The following CFAP47 variants were observed in gnomAD, a reference collection of about 807,000 sequenced individuals.
The protein encoded by CFAP47 is cilia and flagella associated protein 47.
Under a neutral mutation model 148.1 loss-of-function variants are expected in CFAP47, and 29 were observed. The ratio of observed to expected loss-of-function variants is 0.20; its 90% CI spans 0.15 to 0.27. The LOEUF is 0.27. Ranked by LOEUF, CFAP47 falls within the 10% of genes least tolerant of loss-of-function variation. The probability of loss-of-function intolerance (pLI) is 1.00; values close to 1 mark genes in which losing one functional copy is unlikely to be tolerated. For missense variants in CFAP47, 1,872 were observed against 1,697.5 expected, an observed-to-expected ratio of 1.10 and a Z score of -1.81; for synonymous variants, 664 against 577.3, an observed-to-expected ratio of 1.15 and a Z score of -2.15.
At chrX:36,099,996 A>T in intron 32 of CFAP47, 117 bp downstream of exon 32, 1 of 398,582 alleles carries the variant, frequency 2.5e-6, no homozygotes. Flanking sequence ...TAAATGAGAG[A>T]TTTTTTTTTA....
chrX:36,220,773 GATA>G (rs1195792880), intron 45 of CFAP47, among the ~76,000 whole-genome samples: 1 of 111,521 alleles, frequency 9.0e-6, no homozygotes, highest in African/African-American at 3.2e-5. Context: ...CACGTAGATA[GATA>G]GGTCATAGTG....
intron 51 of CFAP47, among the ~76,000 whole-genome samples, chrX:36,286,129 T>A (rs187395806): frequency 5.4e-4 from 60 of 111,165 alleles, no homozygotes; most frequent in Non-Finnish European, 8.3e-4. Flanking sequence ...TGGCATACAT[T>A]TGGGGTTTCC....
chrX:36,220,966 C>T (rs1177354714), intron 45 of CFAP47, among the ~76,000 whole-genome samples: 1 of 111,492 alleles, frequency 9.0e-6, no homozygotes, highest in Non-Finnish European at 1.9e-5. Flanking sequence ...AATTTTATGT[C>T]CTAGTGAACT....
chrX:35,945,245 A>G (rs1308334620), intron 3 of CFAP47, among the ~76,000 whole-genome samples: 1 of 111,983 alleles, frequency 8.9e-6, no homozygotes, highest in Non-Finnish European at 1.9e-5. Context: ...ATAACTTTTC[A>G]GTAAATGTTA....
chrX:36,142,224 A>G (rs1180063369), intron 35 of CFAP47, among the ~76,000 whole-genome samples: 2 of 111,178 alleles, frequency 1.8e-5, no homozygotes, highest in African/African-American at 6.5e-5. Flanking sequence ...AAAACTCAAG[A>G]TCTTATCACC....
At chrX:36,062,114 T>A (rs1937598980) in intron 26 of CFAP47, among the ~76,000 whole-genome samples, 1 of 111,669 alleles carries the variant, frequency 9.0e-6, no homozygotes, top group Admixed American at 9.6e-5. Flanking sequence ...TTTCTTGCTC[T>A]GTCCATTTCT....
intron 57 of CFAP47, among the ~76,000 whole-genome samples, chrX:36,327,994 G>A (rs893006477): frequency 9.0e-6 from 1 of 111,389 alleles, no homozygotes; most frequent in Admixed American, 9.5e-5. Flanking sequence ...GACTCATTGA[G>A]TACTATGCTC....
intron 57 of CFAP47, among the ~76,000 whole-genome samples, chrX:36,339,343 T>C (rs1405641399): frequency 9.0e-6 from 1 of 111,653 alleles, no homozygotes; most frequent in African/African-American, 3.3e-5. Context: ...GAAGACATGA[T>C]GATTGATCAA....
intron 28 of CFAP47, among the ~76,000 whole-genome samples, chrX:36,072,543 A>G (rs1937774869): frequency 8.9e-6 from 1 of 112,214 alleles, no homozygotes; most frequent in Admixed American, 9.5e-5. Flanking sequence ...GTAGGTAATA[A>G]TGAACATTTT....
Position 36,037,855 on chromosome X carries a change from T to A in CFAP47, c.3812-1129T>A, listed in dbSNP as rs540727580. Among the ~76,000 whole-genome samples the A allele has an allele frequency of 5.5e-4, 62 of 112,119 alleles. No homozygotes were observed. In the South Asian group the frequency reaches 8.1e-3, roughly 15 times the overall value. ...CCATTATTTCCCTATAGATTTGTAATGTTTTAAATACATACATTCTCTTAT... is the reference window on the plus strand; with the variant it reads ...CCATTATTTCCCTATAGATTTGTAAAGTTTTAAATACATACATTCTCTTAT... On this transcript the variant is annotated intron_variant, in intron 24 of 63. Transcript: ENST00000378653.
chrX:36,006,056 G>A (rs1340626605), intron 21 of CFAP47, among the ~76,000 whole-genome samples: 1 of 110,232 alleles, frequency 9.1e-6, no homozygotes, highest in Non-Finnish European at 1.9e-5. Flanking sequence ...TCATATAATT[G>A]AAATGTATAT....
chrX:35,976,560 T>G lies in CFAP47; in HGVS notation c.2713+647T>G, dbSNP rs565978224. 3.6e-5 allele frequency among the ~76,000 whole-genome samples: 4 copies of G among 111,557 alleles called. No homozygotes were observed. In the South Asian group the frequency reaches 1.5e-3, roughly 42 times the overall value. On this transcript the variant is annotated intron_variant, in intron 15 of 63. Coordinates refer to ENST00000378653, the MANE Select transcript of CFAP47 (RefSeq NM_001304548.2). ...CTAAAAAAACACTTTCACAACAACATCTGGACTGGAGTTTAACCAAATAAC... is the reference window on the plus strand; with the variant it reads ...CTAAAAAAACACTTTCACAACAACAGCTGGACTGGAGTTTAACCAAATAAC...
At chrX:36,264,981 A>T (rs1490272827) in intron 49 of CFAP47, among the ~76,000 whole-genome samples, 1 of 110,914 alleles carries the variant, frequency 9.0e-6, no homozygotes, top group Non-Finnish European at 1.9e-5. Context: ...AATAACATTG[A>T]ATCTGTAAAT....
chrX:35,971,058 T>C, intron 11 of CFAP47, 135 bp downstream of exon 11: 1 of 463,220 alleles, frequency 2.2e-6, no homozygotes, highest in African/African-American at 2.5e-5. Flanking sequence ...AGCAAAACAC[T>C]GAGCTGCTTT....
At position 36,174,396 on chromosome X, in the gene CFAP47, C is replaced by T. The variant is rs1278503149; in HGVS notation, c.6027-4949C>T. 8.4e-4 allele frequency among the ~76,000 whole-genome samples: 90 copies of T among 107,119 alleles called. 1 individual carries two copies. The highest frequency in any genetic ancestry group is 2.3e-3 in the African/African-American group (68 of 29,033). 93.0% of individuals were successfully genotyped at this position (107,119 alleles called of 115,157 possible). A position where few individuals can be genotyped will look rare whatever the true frequency, so the allele number is the denominator to read the frequency against. On this transcript the variant is annotated intron_variant, in intron 39 of 63. Coordinates refer to ENST00000378653, the MANE Select transcript of CFAP47 (RefSeq NM_001304548.2). ...AGTTGATGCAGTTTCTTCCTAGTCTCGATGGTCTTTACATTTTGGCATGAT... is the reference window on the plus strand; with the variant it reads ...AGTTGATGCAGTTTCTTCCTAGTCTTGATGGTCTTTACATTTTGGCATGAT...
At chrX:36,184,763 C>T (rs1463391967) in intron 40 of CFAP47, among the ~76,000 whole-genome samples, 1 of 110,903 alleles carries the variant, frequency 9.0e-6, no homozygotes. Flanking sequence ...GTGACGCCCT[C>T]TCTCTATTAA....
At chrX:36,127,163 T>G (rs760177425) in intron 33 of CFAP47, among the ~76,000 whole-genome samples, 2 of 112,323 alleles carry the variant, frequency 1.8e-5, no homozygotes, top group African/African-American at 3.2e-5. Flanking sequence ...CATGAAGTCT[T>G]TGCCCATGCC....
chrX:36,179,764 A>G (rs1054125784), intron 40 of CFAP47, among the ~76,000 whole-genome samples: 1 of 111,281 alleles, frequency 9.0e-6, no homozygotes, highest in Non-Finnish European at 1.9e-5. Context: ...TCTAAAAATA[A>G]CCTGTCATGG....
At chrX:36,173,865 C>G (rs1041974058) in intron 39 of CFAP47, among the ~76,000 whole-genome samples, 1 of 111,433 alleles carries the variant, frequency 9.0e-6, no homozygotes, top group African/African-American at 3.3e-5. Flanking sequence ...TGTTGACTTT[C>G]TGTCTCATTG....
Sources: allele counts gnomAD v4.1 joint callset (sites outside exome capture counted in the v4.1 genomes callset), GRCh38; gene constraint gnomAD v4.1.1; transcripts MANE v1.5; gene names NCBI Gene and HGNC (gene_info 2026-07-23, HGNC 2026-07-21).